The following GPC5 variants were observed in gnomAD, a reference collection of about 807,000 sequenced individuals.
GPC5 encodes the protein glypican 5, also known as glypican-5.
In GPC5, 47 loss-of-function variants were observed where a neutral mutation model predicts 53.9. The observed-to-expected ratio is 0.87, with a 90% CI of 0.69 to 1.11. GPC5 has a LOEUF of 1.11. Ranked by LOEUF, GPC5 falls within the 50% of genes most tolerant of loss-of-function variation. GPC5 has a pLI of 0.00. For synonymous variants in GPC5, 286 were observed against 263.3 expected (o/e 1.09, Z -0.84); for missense variants, 748 against 713.1 (o/e 1.05, Z -0.56).
chr13:92,565,818 A>G lies in GPC5; in HGVS notation c.1562-300464A>G, dbSNP rs147539686. 2.2e-3 allele frequency among the ~76,000 whole-genome samples: 335 copies of G among 152,132 alleles called. 1 individual carries two copies. The highest frequency in any genetic ancestry group is 3.4e-3 in the Middle Eastern group (1 of 294). ...ACCTTATTTTTTGTTTTATATAAAG[A>G]TGATACATTTTTCTTTCAAGTTTTT... On this transcript the variant is annotated intron_variant, in intron 7 of 7. Transcript: ENST00000377067.
chr13:91,964,219 C>A (rs2040157522), intron 6 of GPC5, among the ~76,000 whole-genome samples: 1 of 152,006 alleles, frequency 6.6e-6, no homozygotes, highest in South Asian at 2.1e-4. Flanking sequence ...CAGTGCAGAC[C>A]CAAAGAGTGA....
rs971144495 is a variant in GPC5 at position 91,863,061 on chromosome 13, T to C, written c.1281-44876T>C. Among the ~76,000 whole-genome samples the C allele has an allele frequency of 5.5e-5, 8 of 144,686 alleles. No individual in the cohort carries two copies. The East Asian group carries it at 1.6e-3, about 29-fold the overall frequency. 94.9% of individuals were successfully genotyped at this position (144,686 alleles called of 152,430 possible). On this transcript the variant is annotated intron_variant, in intron 5 of 7. Transcript: ENST00000377067. ...TCCTTCCCTCTCCCCTCCCCTTCCT[T>C]CTCCTTTCCTCTTTCCCTTACTTTT...
intron 5 of GPC5, among the ~76,000 whole-genome samples, chr13:91,905,944 A>T (rs930796644): frequency 1.3e-5 from 2 of 152,044 alleles, no homozygotes; most frequent in Non-Finnish European, 2.9e-5. Context: ...AACATGGATG[A>T]CTTGTATAGT....
At chr13:91,765,057 C>T (rs1337450324) in intron 5 of GPC5, among the ~76,000 whole-genome samples, 1 of 152,190 alleles carries the variant, frequency 6.6e-6, no homozygotes, top group Admixed American at 6.5e-5. Flanking sequence ...GAAACCTTCC[C>T]TCTCTTTTCT....
At chr13:92,193,083 G>A (rs2042234405) in intron 7 of GPC5, among the ~76,000 whole-genome samples, 1 of 152,126 alleles carries the variant, frequency 6.6e-6, no homozygotes, top group Non-Finnish European at 1.5e-5. Flanking sequence ...GCTGAAGCAG[G>A]AGAATTGCTT....
At chr13:92,134,939 C>T (rs929454391) in intron 6 of GPC5, among the ~76,000 whole-genome samples, 4 of 152,206 alleles carry the variant, frequency 2.6e-5, no homozygotes, top group African/African-American at 9.6e-5. Flanking sequence ...TCTTATGCAT[C>T]ACATACTGCA....
chr13:91,583,069 AT>A (rs1227571908), intron 2 of GPC5, among the ~76,000 whole-genome samples: 1 of 152,192 alleles, frequency 6.6e-6, no homozygotes, highest in African/African-American at 2.4e-5. Context: ...ATAGAAGTCC[AT>A]TTGATAAAGA....
At chr13:92,145,698 G>A (rs2041862311) in intron 7 of GPC5, among the ~76,000 whole-genome samples, 1 of 152,056 alleles carries the variant, frequency 6.6e-6, no homozygotes, top group Non-Finnish European at 1.5e-5. Context: ...AACAACAAAA[G>A]TGACCAACTG....
intron 7 of GPC5, among the ~76,000 whole-genome samples, chr13:92,419,589 A>G (rs1255303927): frequency 2.0e-5 from 3 of 152,198 alleles, no homozygotes; most frequent in African/African-American, 7.2e-5. Context: ...TATTATATAC[A>G]TAAACTCTCT....
intron 2 of GPC5, among the ~76,000 whole-genome samples, chr13:91,475,625 C>T (rs1882882130): frequency 6.6e-6 from 1 of 152,122 alleles, no homozygotes; most frequent in Non-Finnish European, 1.5e-5. Flanking sequence ...CACAACTGCT[C>T]CAGGGCCTGG....
intron 5 of GPC5, among the ~76,000 whole-genome samples, chr13:91,809,134 C>T (rs1182954182): frequency 6.6e-6 from 1 of 152,100 alleles, no homozygotes; most frequent in African/African-American, 2.4e-5. Context: ...AAGCCCTCAT[C>T]AATTTCTGTA....
intron 2 of GPC5, among the ~76,000 whole-genome samples, chr13:91,539,581 C>T (rs2029866520): frequency 6.6e-6 from 1 of 152,162 alleles, no homozygotes; most frequent in African/African-American, 2.4e-5. Context: ...CTGAAACTCT[C>T]ACTGGCTGTT....
At chr13:91,925,104 C>G (rs2039754718) in intron 6 of GPC5, among the ~76,000 whole-genome samples, 1 of 152,146 alleles carries the variant, frequency 6.6e-6, no homozygotes, top group Admixed American at 6.5e-5. Flanking sequence ...CAGGCGTGAG[C>G]TACTGTGCCC....
At chr13:91,858,623 T>G (rs1055802337) in intron 5 of GPC5, among the ~76,000 whole-genome samples, 1 of 152,024 alleles carries the variant, frequency 6.6e-6, no homozygotes, top group African/African-American at 2.4e-5. Flanking sequence ...TCCCTGTAGT[T>G]TTATTCATGT....
intron 2 of GPC5, among the ~76,000 whole-genome samples, chr13:91,548,517 C>A (rs977159212): frequency 6.6e-6 from 1 of 152,148 alleles, no homozygotes; most frequent in African/African-American, 2.4e-5. Context: ...TCAATATTGT[C>A]AAAATGTCAG....
intron 7 of GPC5, among the ~76,000 whole-genome samples, chr13:92,564,358 A>G (rs1882798580): frequency 6.6e-6 from 1 of 152,002 alleles, no homozygotes; most frequent in South Asian, 2.1e-4. Context: ...GAGTTTTTCT[A>G]TTGCTTTATT....
intron 7 of GPC5, among the ~76,000 whole-genome samples, chr13:92,649,322 T>C (rs1258849024): frequency 6.6e-6 from 1 of 152,132 alleles, no homozygotes; most frequent in East Asian, 1.9e-4. Flanking sequence ...AATAATTTGA[T>C]TCTTGCCAAT....
intron 7 of GPC5, among the ~76,000 whole-genome samples, chr13:92,705,728 A>AT (rs1887927397): frequency 6.6e-6 from 1 of 152,050 alleles, no homozygotes; most frequent in Non-Finnish European, 1.5e-5. Context: ...GTATAAAGTT[A>AT]TTTTTTAAAC....
intron 6 of GPC5, among the ~76,000 whole-genome samples, chr13:91,972,995 T>C (rs1339430986): frequency 6.6e-6 from 1 of 152,180 alleles, no homozygotes; most frequent in Admixed American, 6.5e-5. Flanking sequence ...CTGTATTTCC[T>C]GAATCTGAAT....
Sources: allele counts gnomAD v4.1 joint callset (sites outside exome capture counted in the v4.1 genomes callset), GRCh38; gene constraint gnomAD v4.1.1; transcripts MANE v1.5; gene names NCBI Gene and HGNC (gene_info 2026-07-23, HGNC 2026-07-21).